The following NFATC1 variants were observed in gnomAD, a reference collection of about 807,000 sequenced individuals.
NFATC1 encodes nuclear factor of activated T cells 1.
In NFATC1, 22 loss-of-function variants were observed where a neutral mutation model predicts 76.0. That is an observed-to-expected ratio of 0.29 (90% CI 0.21 to 0.41). The LOEUF (loss-of-function observed/expected upper bound fraction) is 0.41, where lower values mean the gene tolerates loss of function less well. Ranked by LOEUF, NFATC1 falls within the 10% of genes least tolerant of loss-of-function variation. The probability of loss-of-function intolerance (pLI) is 1.00; values close to 1 mark genes in which losing one functional copy is unlikely to be tolerated. For synonymous variants in NFATC1, 704 were observed against 613.1 expected, an observed-to-expected ratio of 1.15 and a Z score of -2.19; for missense variants, 1,357 against 1,337.7, an observed-to-expected ratio of 1.01 and a Z score of -0.23.
chr18:79,520,125 G>A (rs2090479027), intron 9 of NFATC1, among the ~76,000 whole-genome samples: 1 of 152,174 alleles, frequency 6.6e-6, no homozygotes, highest in Non-Finnish European at 1.5e-5. Flanking sequence ...TAGAATGAGG[G>A]TCTGCAGGGG....
chr18:79,481,178 CTCA>C lies in NFATC1; in HGVS notation c.2093-5065_2093-5063del, dbSNP rs1235692171. Among the ~76,000 whole-genome samples the C allele has an allele frequency of 2.0e-5, 3 of 152,234 alleles. No individual in the cohort carries two copies. The East Asian group carries it at 5.8e-4, about 29-fold the overall frequency. On this transcript the variant is annotated intron_variant, in intron 8 of 9. Transcript: ENST00000427363. Reference sequence around the variant, plus strand: ...CCCCATCGTCTGGCTTTGTCGTGGACTCATCATTTCTGGATTTACCACATGCTT... The same window carrying C: ...CCCCATCGTCTGGCTTTGTCGTGGACTCATTTCTGGATTTACCACATGCTT...
chr18:79,426,243 T>G (rs1397577242), intron 2 of NFATC1, among the ~76,000 whole-genome samples: 3 of 152,032 alleles, frequency 2.0e-5, no homozygotes, highest in Non-Finnish European at 4.4e-5. Context: ...TGTCTTTTTT[T>G]TTTTTTCCTC....
intron 9 of NFATC1, among the ~76,000 whole-genome samples, chr18:79,516,815 G>A (rs963863103): frequency 8.5e-5 from 13 of 152,136 alleles, no homozygotes; most frequent in African/African-American, 1.2e-4. Flanking sequence ...TTTCCTCTTC[G>A]CTTCCTATTT....
chr18:79,493,047 C>CA (rs2089735530), intron 9 of NFATC1, among the ~76,000 whole-genome samples: 1 of 152,114 alleles, frequency 6.6e-6, no homozygotes, highest in Admixed American at 6.5e-5. Context: ...GCTTTCCCCT[C>CA]AGACTTCTCG....
At position 79,467,541 on chromosome 18, in the gene NFATC1, A is replaced by G. The variant is rs1303012397; in HGVS notation, c.2051A>G (p.Lys684Arg). The G allele has an allele frequency of 2.5e-6, 4 of 1,613,960 alleles. No homozygotes were observed. Among genetic ancestry groups the G allele is most frequent in the Non-Finnish European group, 3.4e-6 (4 of 1,179,948 alleles). Residue 684 changes from lysine (K) to arginine (R), a missense_variant, in exon 8 of 10, where the codon AAG becomes AGG. Physicochemically the swap from Lys to Arg is conservative, Grantham distance 26 (BLOSUM62 2). Coordinates refer to ENST00000427363, the MANE Select transcript of NFATC1 (RefSeq NM_001278669.2). ...VSFYVCNGKRKRSQYQRFTYL... is the reference protein window; with the variant it reads ...VSFYVCNGKRRRSQYQRFTYL... ...TTCTACGTCTGCAACGGGAAGAGAA[A>G]GCGAAGCCAGTACCAGCGTTTCACC...
chr18:79,510,790 A>AC (rs1299731923), intron 9 of NFATC1, among the ~76,000 whole-genome samples: 1 of 151,940 alleles, frequency 6.6e-6, no homozygotes, highest in Non-Finnish European at 1.5e-5. Context: ...CTGGGCACAG[A>AC]CCCCGGCATC....
At chr18:79,403,961 G>T (rs1376102162) in intron 1 of NFATC1, among the ~76,000 whole-genome samples, 1 of 152,212 alleles carries the variant, frequency 6.6e-6, no homozygotes, top group African/African-American at 2.4e-5. Context: ...AAGCGTTCCT[G>T]CTATTACCAT....
Position 79,462,550 on chromosome 18 carries a change from C to T in NFATC1, c.1959+1184C>T, listed in dbSNP as rs185721313. 5.4e-4 allele frequency among the ~76,000 whole-genome samples: 82 copies of T among 152,214 alleles called. 2 individuals are homozygous for T. Among genetic ancestry groups the T allele is most frequent in the East Asian group, 3.3e-3 (17 of 5,164 alleles). ...AACTCCCAACCTCAGGTGATCCGCC[C>T]GCCTCGGCCTCCCAAAGTGCTGGGA... On this transcript the variant is annotated intron_variant, in intron 7 of 9. Transcript: ENST00000427363.
chr18:79,432,930 G>A (rs1473919599), intron 2 of NFATC1, among the ~76,000 whole-genome samples: 7 of 152,176 alleles, frequency 4.6e-5, no homozygotes, highest in African/African-American at 1.7e-4. Flanking sequence ...CCTGTCACCC[G>A]CCAGGTCATG....
rs755515445 is a variant in NFATC1, at chr18:79,410,478, C to T, written c.203C>T (p.Pro68Leu). ...LPTAHSTLPA[P>L]CHNLQTSTPG... Reference sequence around the variant, plus strand: ...ACGGCGCACTCCACCCTGCCGGCCCCGTGCCACAACCTTCAGACCTCCACA... The same window carrying T: ...ACGGCGCACTCCACCCTGCCGGCCCTGTGCCACAACCTTCAGACCTCCACA... The change falls in exon 2 of 10, where the codon CCG (proline) becomes CTG (leucine). Residue 68 changes from proline to leucine, a missense_variant. Around this residue, in one of 3 missense-constraint regions of NFATC1, gnomAD observed 691 missense variants for 613.1 expected, o/e 1.13. Coordinates refer to ENST00000427363, the MANE Select transcript of NFATC1 (RefSeq NM_001278669.2). The surrounding 1 kb of genome is among the most constrained non-coding windows in gnomAD (Gnocchi z 6.7). 2.3e-5 allele frequency: 37 copies of T among 1,612,226 alleles called. No homozygotes were observed. In the Middle Eastern group the frequency reaches 9.9e-4, roughly 43 times the overall value.
At chr18:79,432,288 C>T (rs894586673) in intron 2 of NFATC1, among the ~76,000 whole-genome samples, 3 of 70,432 alleles carry the variant, frequency 4.3e-5, no homozygotes, top group Admixed American at 1.6e-4. Flanking sequence ...TGGAGGGTGA[C>T]CTCAGGAGCC....
At chr18:79,482,737 A>G (rs1184986749) in intron 8 of NFATC1, among the ~76,000 whole-genome samples, 568 of 34,098 alleles carry the variant, frequency 0.017, no homozygotes, top group East Asian at 0.033. Flanking sequence ...CCTGCTCCTG[A>G]GGTGTCACTC....
intron 1 of NFATC1, among the ~76,000 whole-genome samples, chr18:79,403,248 AG>A (rs1293608162): frequency 1.3e-5 from 2 of 152,218 alleles, no homozygotes; most frequent in Non-Finnish European, 2.9e-5. Flanking sequence ...GCTTTGAGGG[AG>A]GGGCTGTGTC....
chr18:79,410,192 C>T lies in NFATC1; in HGVS notation c.128-211C>T, dbSNP rs2085613931. The stretch of plus-strand genomic sequence containing the variant: ...GAGGGGAGGTGGGCAGTGAGGGGCT[C>T]ACGGGAGCCTTGTTGGCCAGGTGGG... On this transcript the variant is annotated intron_variant, in intron 1 of 9. Coordinates refer to ENST00000427363, the MANE Select transcript of NFATC1 (RefSeq NM_001278669.2). This position sits in a 1 kb window ranked among gnomAD's most constrained non-coding sequence, Gnocchi z 6.7. The T allele has an allele frequency of 3.8e-6, 3 of 794,742 alleles. No homozygotes were observed. The highest frequency in any genetic ancestry group is 6.5e-6 in the Non-Finnish European group (3 of 461,750). The allele number at this position is 794,742 out of a possible 1,614,324, so 49.2% of individuals were successfully genotyped here. A position where few individuals can be genotyped will look rare whatever the true frequency, so the allele number is the denominator to read the frequency against.
In NFATC1 at chr18:79,527,607, G is replaced by A; in HGVS notation, c.*30G>A. On this transcript the variant is annotated 3_prime_UTR_variant, in exon 10 of 10. Transcript: ENST00000427363. ...CACATTGGAGCACTCAGTTCAGCAG[G>A]GGTATGCTGACTTCAGCAGACAAAG... is the stretch of plus-strand genomic sequence containing the variant. The A allele has an allele frequency of 1.2e-6, 2 of 1,601,854 alleles. No homozygotes were observed. The highest frequency in any genetic ancestry group is 1.7e-6 in the Non-Finnish European group (2 of 1,169,172).
intron 8 of NFATC1, among the ~76,000 whole-genome samples, chr18:79,482,751 C>T (rs1169862801): frequency 8.2e-5 from 11 of 133,538 alleles, no homozygotes; most frequent in African/African-American, 2.6e-4. Context: ...GTCACTCCAG[C>T]GTGACCTCGT....
intron 4 of NFATC1, among the ~76,000 whole-genome samples, chr18:79,450,513 T>C (rs575518709): frequency 6.6e-6 from 1 of 151,994 alleles, no homozygotes; most frequent in East Asian, 1.9e-4. Flanking sequence ...TACTCCAAGA[T>C]AAGTGAGAAC....
chr18:79,474,105 C>T lies in NFATC1; in HGVS notation c.2092+6523C>T, dbSNP rs376517814. Among the ~76,000 whole-genome samples, 13 of 136,336 alleles carry T rather than the reference C, an allele frequency of 9.5e-5. No homozygotes were observed. In the South Asian group the frequency reaches 1.2e-3, roughly 12 times the overall value. 89.4% of individuals were successfully genotyped at this position (136,336 alleles called of 152,430 possible). A position where few individuals can be genotyped will look rare whatever the true frequency, so the allele number is the denominator to read the frequency against. On this transcript the variant is annotated intron_variant, in intron 8 of 9. Transcript: ENST00000427363. ...TCACGCTCACTGTCGACGTTGTAAACCTGAGGGAAGCGTGTTCTCACGCTC... is the reference window on the plus strand; with the variant it reads ...TCACGCTCACTGTCGACGTTGTAAATCTGAGGGAAGCGTGTTCTCACGCTC...
intron 1 of NFATC1, among the ~76,000 whole-genome samples, chr18:79,407,815 G>C (rs1401512455): frequency 6.6e-6 from 1 of 152,206 alleles, no homozygotes; most frequent in African/African-American, 2.4e-5. Context: ...GTCCTCTTGA[G>C]GGCATTTCTT....
Sources: allele counts gnomAD v4.1 joint callset (sites outside exome capture counted in the v4.1 genomes callset), GRCh38; gene constraint gnomAD v4.1.1; regional missense constraint gnomAD v4.1.1; non-coding constraint Gnocchi (gnomAD v3.1); transcripts MANE v1.5; gene names NCBI Gene and HGNC (gene_info 2026-07-23, HGNC 2026-07-21).